The following CALCRL variants were observed in gnomAD, a reference collection of about 807,000 sequenced individuals.
CALCRL encodes calcitonin gene-related peptide type 1 receptor.
A neutral mutation model predicts 60.4 loss-of-function variants in CALCRL; 27 were observed. The ratio of observed to expected loss-of-function variants is 0.45; its 90% CI spans 0.33 to 0.62. The LOEUF (loss-of-function observed/expected upper bound fraction) is 0.62. CALCRL is among the 20% of genes least tolerant of loss of function. CALCRL has a pLI of 0.03. For missense variants in CALCRL, 424 were observed against 540.7 expected (o/e 0.78, Z 2.14); for synonymous variants, 190 against 182.6 (o/e 1.04, Z -0.33).
chr2:187,381,750 G>C (rs763848843), intron 5 of CALCRL, among the ~76,000 whole-genome samples: 1 of 152,036 alleles, frequency 6.6e-6, no homozygotes, highest in South Asian at 2.1e-4. Context: ...CACCACACCC[G>C]GCCCAAAAGT....
At chr2:187,446,525 T>C (rs1370825635) in intron 1 of CALCRL, among the ~76,000 whole-genome samples, 1 of 151,754 alleles carries the variant, frequency 6.6e-6, no homozygotes, top group Non-Finnish European at 1.5e-5. Flanking sequence ...TTTCTCATTA[T>C]AAAATATGAT....
chr2:187,383,103 A>G lies in CALCRL; in HGVS notation c.184+70T>C. ...TAATAATGGACCTAAAGCACTTATA[A>G]TGATATAATGGGAGTAGTTTTCTTT... On this transcript the variant is annotated intron_variant, in intron 5 of 14. Transcript: ENST00000392370. The G allele has an allele frequency of 2.7e-6, 4 of 1,459,310 alleles. No individual in the cohort carries two copies. In the South Asian group the frequency reaches 3.7e-5, roughly 14 times the overall value. The allele number at this position is 1,459,310 out of a possible 1,614,324, so 90.4% of individuals were successfully genotyped here. A position where few individuals can be genotyped will look rare whatever the true frequency, so the allele number is the denominator to read the frequency against.
At chr2:187,350,899 C>T (rs905250171) in intron 14 of CALCRL, among the ~76,000 whole-genome samples, 1 of 151,668 alleles carries the variant, frequency 6.6e-6, no homozygotes, top group Admixed American at 6.6e-5. Context: ...CAAAATCCTC[C>T]TACAGGTTAA....
At chr2:187,385,741 C>G in intron 3 of CALCRL, 110 bp from the exon 4 acceptor site, 1 of 648,996 alleles carries the variant, frequency 1.5e-6, no homozygotes, top group Non-Finnish European at 2.6e-6. Flanking sequence ...AATAATTTTA[C>G]TTTAAAGATT....
intron 1 of CALCRL, among the ~76,000 whole-genome samples, chr2:187,446,715 A>G (rs1691204951): frequency 6.6e-6 from 1 of 151,746 alleles, no homozygotes. Flanking sequence ...GTGTCAGGGA[A>G]CTCAGTACAA....
At chr2:187,416,095 G>A (rs1187463986) in intron 1 of CALCRL, among the ~76,000 whole-genome samples, 1 of 152,158 alleles carries the variant, frequency 6.6e-6, no homozygotes, top group Non-Finnish European at 1.5e-5. Context: ...TGCTAAGAGA[G>A]TGGATGTTGT....
Position 187,360,872 on chromosome 2 carries a change from A to G in CALCRL, c.628-121T>C, listed in dbSNP as rs1012286588. ...CCTACACACAAAATCCTATACATTA[A>G]TGATTAGGATTTGTGGAATGCCAGT... On this transcript the variant is annotated intron_variant, in intron 9 of 14. Transcript: ENST00000392370. 62 of 822,788 alleles carry G rather than the reference A, an allele frequency of 7.5e-5. 1 individual carries two copies. The South Asian group carries it at 1.2e-3, about 16-fold the overall frequency. 51.0% of individuals were successfully genotyped at this position (822,788 alleles called of 1,614,324 possible).
At chr2:187,396,798 T>A (rs1426877260) in intron 1 of CALCRL, among the ~76,000 whole-genome samples, 1 of 151,734 alleles carries the variant, frequency 6.6e-6, no homozygotes, top group Non-Finnish European at 1.5e-5. Context: ...AGGAAGTATA[T>A]ATTGTTAATA....
intron 1 of CALCRL, among the ~76,000 whole-genome samples, chr2:187,438,764 T>C (rs1690763477): frequency 6.6e-6 from 1 of 152,188 alleles, no homozygotes; most frequent in African/African-American, 2.4e-5. Flanking sequence ...GAAAGGTCAT[T>C]CCTTGGAATT....
chr2:187,404,977 C>A (rs555516433), intron 1 of CALCRL, among the ~76,000 whole-genome samples: 3 of 152,056 alleles, frequency 2.0e-5, no homozygotes, highest in East Asian at 3.9e-4. Flanking sequence ...AGTTTGGATA[C>A]TAGGGTTTGG....
intron 8 of CALCRL, among the ~76,000 whole-genome samples, chr2:187,367,981 CTTTTGGAACAATT>C (rs955050813): frequency 6.6e-6 from 1 of 152,044 alleles, no homozygotes; most frequent in African/African-American, 2.4e-5. Flanking sequence ...TTTCAATTCA[CTTTTGGAACAATT>C]TTAGAAGTAA....
intron 1 of CALCRL, among the ~76,000 whole-genome samples, chr2:187,441,361 T>C (rs909555860): frequency 6.6e-6 from 1 of 152,042 alleles, no homozygotes; most frequent in African/African-American, 2.4e-5. Flanking sequence ...GAAAACACTC[T>C]AGTTAAGATA....
At chr2:187,394,508 AT>A (rs139835548) in intron 1 of CALCRL, among the ~76,000 whole-genome samples, 2 of 152,158 alleles carry the variant, frequency 1.3e-5, no homozygotes, top group East Asian at 3.9e-4. Context: ...CAAAAATTAC[AT>A]TTTTTTCCAT....
chr2:187,359,001 G>T (rs1686926100), intron 12 of CALCRL, 62 bp downstream of exon 12: 2 of 1,336,996 alleles, frequency 1.5e-6, no homozygotes, highest in Non-Finnish European at 1.1e-6. Context: ...CCATAGGCCA[G>T]ATGATTCAGA....
rs765584434 is a variant in CALCRL, at chr2:187,346,224, A to T, written c.1346T>A (p.Ile449Asn). Residue 449 changes from isoleucine (I) to asparagine (N), a missense_variant, in exon 15 of 15, where the codon ATT (isoleucine) becomes AAT (asparagine). Physicochemically the swap from Ile to Asn is moderately radical, Grantham distance 149. Transcript: ENST00000392370. ...TTCTGGTTTTAAGAGAACATTTTCA[A>T]TATCATGGATGCTTTTTCCATTTAA... ...EHLNGKSIHDIENVLLKPENL... is the reference protein window; with the variant it reads ...EHLNGKSIHDNENVLLKPENL... The T allele has an allele frequency of 1.2e-6, 2 of 1,611,112 alleles. No individual in the cohort carries two copies. The highest frequency in any genetic ancestry group is 1.7e-6 in the Non-Finnish European group (2 of 1,178,218).
chr2:187,392,502 A>T (rs1688489207), intron 1 of CALCRL, among the ~76,000 whole-genome samples: 1 of 152,140 alleles, frequency 6.6e-6, no homozygotes, highest in African/African-American at 2.4e-5. Flanking sequence ...ACAAGGAATA[A>T]ACACTCTACT....
chr2:187,408,700 C>T (rs891250460), intron 1 of CALCRL, among the ~76,000 whole-genome samples: 1 of 151,736 alleles, frequency 6.6e-6, no homozygotes, highest in Non-Finnish European at 1.5e-5. Context: ...TGTACAAATT[C>T]TCACATCTCA....
intron 1 of CALCRL, among the ~76,000 whole-genome samples, chr2:187,439,285 C>A (rs1335432388): frequency 6.6e-6 from 1 of 152,004 alleles, no homozygotes; most frequent in African/African-American, 2.4e-5. Flanking sequence ...GAGTTTGAGA[C>A]CAGCCTGGCC....
chr2:187,371,730 CATTTTTTT>C, intron 8 of CALCRL, among the ~76,000 whole-genome samples: 2 of 80,996 alleles, frequency 2.5e-5, no homozygotes, highest in Non-Finnish European at 5.3e-5. Flanking sequence ...AGCAAGACTC[CATTTTTTT>C]TTTTTAAAGA....
Sources: gnomAD v4.1 joint callset for allele counts (sites outside exome capture counted in the v4.1 genomes callset) on GRCh38, gnomAD v4.1.1 for gene constraint, MANE v1.5 for transcripts, NCBI Gene and HGNC (gene_info 2026-07-23, HGNC 2026-07-21) for gene names.